PRKN: variants seen among roughly 807,000 people sequenced by gnomAD.
PRKN encodes parkin RBR E3 ubiquitin protein ligase.
A neutral mutation model predicts 59.5 loss-of-function variants in PRKN; 56 were observed. The ratio of observed to expected loss-of-function variants is 0.94; its 90% CI spans 0.76 to 1.18. The LOEUF is 1.18. PRKN is among the 50% of genes most tolerant of loss of function. The pLI, the probability that PRKN is intolerant of heterozygous loss-of-function variation, is 0.00. For synonymous variants in PRKN, 250 were observed against 222.1 expected (o/e 1.13, Z -1.12); for missense variants, 657 against 596.4 (o/e 1.10, Z -1.06).
intron 3 of PRKN, among the ~76,000 whole-genome samples, chr6:162,206,789 G>A (rs867637325): frequency 6.6e-6 from 1 of 152,126 alleles, no homozygotes; most frequent in Admixed American, 6.6e-5. Context: ...ATTTCTGGGT[G>A]CTGGCCTTCA....
chr6:161,842,046 C>G (rs542003411), intron 6 of PRKN, among the ~76,000 whole-genome samples: 2 of 152,242 alleles, frequency 1.3e-5, no homozygotes, highest in South Asian at 4.1e-4. Flanking sequence ...TAAGCACTAA[C>G]CCAAATTTCT....
chr6:162,625,737 C>T (rs1328583061), intron 1 of PRKN, among the ~76,000 whole-genome samples: 1 of 151,432 alleles, frequency 6.6e-6, no homozygotes, highest in Non-Finnish European at 1.5e-5. Flanking sequence ...CTTATGTTTG[C>T]AAAAACATAT....
intron 2 of PRKN, among the ~76,000 whole-genome samples, chr6:162,429,245 G>T (rs534385369): frequency 6.6e-6 from 1 of 152,172 alleles, no homozygotes; most frequent in East Asian, 1.9e-4. Context: ...CTATCCTTCT[G>T]CCCTGTCCTT....
intron 1 of PRKN, among the ~76,000 whole-genome samples, chr6:162,723,240 T>C (rs1246805487): frequency 6.6e-6 from 1 of 152,260 alleles, no homozygotes; most frequent in Non-Finnish European, 1.5e-5. Context: ...TCACTGGATC[T>C]GCTTTTGCAA....
At chr6:161,864,914 A>G (rs1027266784) in intron 6 of PRKN, among the ~76,000 whole-genome samples, 10 of 152,164 alleles carry the variant, frequency 6.6e-5, no homozygotes, top group African/African-American at 2.4e-4. Flanking sequence ...CTGGCCTCAC[A>G]AAGTGCTGGG....
At chr6:161,864,052 C>T (rs996125409) in intron 6 of PRKN, among the ~76,000 whole-genome samples, 2 of 152,282 alleles carry the variant, frequency 1.3e-5, no homozygotes, top group Non-Finnish European at 1.5e-5. Context: ...CTGACCAGGG[C>T]AGTGGTTGCT....
chr6:162,142,434 G>A (rs959977639), intron 4 of PRKN, among the ~76,000 whole-genome samples: 4 of 152,278 alleles, frequency 2.6e-5, no homozygotes, highest in Non-Finnish European at 5.9e-5. Context: ...TAATGGAGAT[G>A]AGCATCGTTC....
intron 3 of PRKN, among the ~76,000 whole-genome samples, chr6:162,233,376 T>C (rs2128086930): frequency 6.6e-6 from 1 of 152,248 alleles, no homozygotes; most frequent in South Asian, 2.1e-4. Flanking sequence ...GTAATTCAGA[T>C]TGAAGGAACT....
At chr6:162,628,434 T>C (rs1227662478) in intron 1 of PRKN, among the ~76,000 whole-genome samples, 4 of 152,162 alleles carry the variant, frequency 2.6e-5, no homozygotes, top group Non-Finnish European at 5.9e-5. Context: ...TTCAGATGCA[T>C]TTCCTAAATT....
chr6:162,624,532 T>C (rs1782808160), intron 1 of PRKN: 1 of 152,154 alleles, frequency 6.6e-6, no homozygotes. Context: ...CCACATTGTG[T>C]GGTGCTCACT....
chr6:162,401,755 G>A (rs574243961), intron 2 of PRKN, among the ~76,000 whole-genome samples: 1 of 152,130 alleles, frequency 6.6e-6, no homozygotes, highest in Admixed American at 6.5e-5. Context: ...GTAAATATGA[G>A]GGAAAGAACT....
chr6:161,670,684 C>T (rs575437353), intron 7 of PRKN, among the ~76,000 whole-genome samples: 5 of 152,158 alleles, frequency 3.3e-5, no homozygotes, highest in South Asian at 4.2e-4. Context: ...GGCGTGGTGG[C>T]GGGTGCCTGT....
chr6:162,634,457 A>C (rs2846510), intron 1 of PRKN, among the ~76,000 whole-genome samples: 80,912 of 151,840 alleles, frequency 0.53, 22,356 homozygotes, highest in African/African-American at 0.64. Context: ...TTTCTACCAT[A>C]GCTGTGATCA....
chr6:161,613,754 G>A (rs1782571710), intron 7 of PRKN, among the ~76,000 whole-genome samples: 2 of 152,174 alleles, frequency 1.3e-5, no homozygotes, highest in South Asian at 4.1e-4. Context: ...AACTGAATCT[G>A]CAATATCTCT....
At chr6:162,469,500 GTGTGTGT>G in intron 1 of PRKN, among the ~76,000 whole-genome samples, 2 of 145,082 alleles carry the variant, frequency 1.4e-5, no homozygotes, top group Non-Finnish European at 3.0e-5. Flanking sequence ...GTATGTGTGT[GTGTGTGT>G]ATACACACAC....
intron 5 of PRKN, among the ~76,000 whole-genome samples, chr6:162,023,826 C>T (rs1308061354): frequency 6.6e-6 from 1 of 152,120 alleles, no homozygotes; most frequent in Non-Finnish European, 1.5e-5. Context: ...CCCTCCCTAT[C>T]ATTTAGAAGG....
rs948472447 is a variant in PRKN, at chr6:161,417,204, C to G, written c.1084-30327G>C. Reference sequence around the variant, plus strand: ...CAGTGGCTCACGCCTGTAATCCCAGCACTTTGGGAGGCCGAGGCTGCCAAA... The same window carrying G: ...CAGTGGCTCACGCCTGTAATCCCAGGACTTTGGGAGGCCGAGGCTGCCAAA... On this transcript the variant is annotated intron_variant, in intron 9 of 11. Coordinates refer to ENST00000366898, the MANE Select transcript of PRKN (RefSeq NM_004562.3). The surrounding 1 kb of genome is among the most constrained non-coding windows in gnomAD (Gnocchi z 5.4). Among the ~76,000 whole-genome samples, 14 of 152,160 alleles carry G rather than the reference C, an allele frequency of 9.2e-5. No homozygotes were observed. Among genetic ancestry groups the G allele is most frequent in the Admixed American group, 7.9e-4 (12 of 15,286 alleles).
At chr6:162,317,476 C>A (rs1393311938) in intron 2 of PRKN, among the ~76,000 whole-genome samples, 1 of 152,000 alleles carries the variant, frequency 6.6e-6, no homozygotes, top group East Asian at 2.0e-4. Context: ...ATTACCCAGT[C>A]TTGGGTAAGT....
At chr6:162,612,134 A>C (rs1337362120) in intron 1 of PRKN, among the ~76,000 whole-genome samples, 2 of 142,688 alleles carry the variant, frequency 1.4e-5, no homozygotes, top group African/African-American at 5.2e-5. Context: ...CGGAGCTTGC[A>C]GTGAGCTGAG....
Sources: gnomAD v4.1 joint callset for allele counts (sites outside exome capture counted in the v4.1 genomes callset) on GRCh38, gnomAD v4.1.1 for gene constraint, Gnocchi (gnomAD v3.1) non-coding constraint, MANE v1.5 for transcripts, NCBI Gene and HGNC (gene_info 2026-07-23, HGNC 2026-07-21) for gene names.